The following IRF6 variants were observed in gnomAD, a reference collection of about 807,000 sequenced individuals.
IRF6 encodes the protein Van der Woude syndrome.
In IRF6, 6 loss-of-function variants were observed where a neutral mutation model predicts 51.4. The ratio of observed to expected loss-of-function variants is 0.12; its 90% CI spans 0.06 to 0.23. The LOEUF (loss-of-function observed/expected upper bound fraction) is 0.23, where lower values mean the gene tolerates loss of function less well. IRF6 is among the 10% of genes least tolerant of loss of function. IRF6 has a pLI of 1.00. For synonymous variants in IRF6, 178 were observed against 215.7 expected, an observed-to-expected ratio of 0.83 and a Z score of 1.53; for missense variants, 348 against 585.2, an observed-to-expected ratio of 0.59 and a Z score of 4.18.
chr1:209,788,408 T>A lies in IRF6; in HGVS notation c.*12A>T, dbSNP rs771087814. The A allele has an allele frequency of 5.3e-6, 8 of 1,507,756 alleles. No homozygotes were observed. Among genetic ancestry groups the A allele is most frequent in the Non-Finnish European group, 7.4e-6 (8 of 1,085,140 alleles). 93.4% of individuals were successfully genotyped at this position (1,507,756 alleles called of 1,614,324 possible). On this transcript the variant is annotated 3_prime_UTR_variant, in exon 9 of 9. Coordinates refer to ENST00000367021, the MANE Select transcript of IRF6 (RefSeq NM_006147.4). ...ATTATAAAAAAGAGAAGGAAGAAGA[T>A]GGCATTCACAATTACTGGGGAGGCA...
chr1:209,792,617 T>C, intron 5 of IRF6, 190 bp from the exon 6 acceptor site: 1 of 617,746 alleles, frequency 1.6e-6, no homozygotes, highest in Non-Finnish European at 2.8e-6. Flanking sequence ...TCCTGCTTCC[T>C]AGTCATATTA....
intron 5 of IRF6, among the ~76,000 whole-genome samples, chr1:209,793,741 C>T (rs2077883577): frequency 6.6e-6 from 1 of 152,136 alleles, no homozygotes; most frequent in Non-Finnish European, 1.5e-5. Flanking sequence ...CTCAAGGAGG[C>T]CCCAGTGTCT....
Position 209,790,564 on chromosome 1 carries a change from G to A in IRF6, c.991C>T (p.Leu331Phe). 6.2e-7 allele frequency: 1 copy of A among 1,614,250 alleles called. No individual in the cohort carries two copies. The highest frequency in any genetic ancestry group is 8.5e-7 in the Non-Finnish European group (1 of 1,180,042). ...VYWSGPCAPS[L>F]VAPNLIERQK... ...CTCTCAATCAGGTTGGGAGCAACAAGTGATGGGGCACATGGCCCAGACCAG... is the reference window on the plus strand; with the variant it reads ...CTCTCAATCAGGTTGGGAGCAACAAATGATGGGGCACATGGCCCAGACCAG... Residue 331 changes from leucine to phenylalanine, a missense_variant, in exon 7 of 9, where the codon CTT (leucine) becomes TTT (phenylalanine). Transcript: ENST00000367021. The surrounding 1 kb of genome is among the most constrained non-coding windows in gnomAD (Gnocchi z 4.8).
At chr1:209,797,510 AT>A (rs2077910658) in intron 3 of IRF6, among the ~76,000 whole-genome samples, 1 of 151,736 alleles carries the variant, frequency 6.6e-6, no homozygotes, top group Non-Finnish European at 1.5e-5. Context: ...ACCTTACCCT[AT>A]CCCCTCAAAC....
intron 3 of IRF6, among the ~76,000 whole-genome samples, chr1:209,800,812 C>G (rs2077936220): frequency 6.6e-6 from 1 of 152,146 alleles, no homozygotes; most frequent in Non-Finnish European, 1.5e-5. Context: ...ATACCAATCA[C>G]ATAGGCTATA....
chr1:209,788,231 A>G lies in IRF6; in HGVS notation c.*189T>C, dbSNP rs1651962858. The G allele has an allele frequency of 6.6e-6, 4 of 604,672 alleles. No homozygotes were observed. The highest frequency in any genetic ancestry group is 1.2e-5 in the Non-Finnish European group (4 of 343,524). 37.5% of individuals were successfully genotyped at this position (604,672 alleles called of 1,614,324 possible). ...ACTACCATTAGGAGATTTGAAAAAGAAAAGCAAAGTCTGAAGGGTGATTTT... is the reference window on the plus strand; with the variant it reads ...ACTACCATTAGGAGATTTGAAAAAGGAAAGCAAAGTCTGAAGGGTGATTTT... On this transcript the variant is annotated 3_prime_UTR_variant, in exon 9 of 9. Transcript: ENST00000367021.
chr1:209,804,755 A>G lies in IRF6; in HGVS notation c.-76+1192T>C, dbSNP rs932590960. Among the ~76,000 whole-genome samples, 7 of 152,192 alleles carry G rather than the reference A, an allele frequency of 4.6e-5. No homozygotes were observed. The East Asian group carries it at 1.3e-3, about 29-fold the overall frequency. ...CCCTATTCTAGGGAGCAGGTCCTCCATAAACACCCTCATTGCCACCTCCAT... is the reference window on the plus strand; with the variant it reads ...CCCTATTCTAGGGAGCAGGTCCTCCGTAAACACCCTCATTGCCACCTCCAT... On this transcript the variant is annotated intron_variant, in intron 1 of 8. Coordinates refer to ENST00000367021, the MANE Select transcript of IRF6 (RefSeq NM_006147.4).
Position 209,796,361 on chromosome 1 carries a change from C to G in IRF6, c.366G>C (p.Ser122=), listed in dbSNP as rs146068713. 25 of 1,613,830 alleles carry G rather than the reference C, an allele frequency of 1.5e-5. No homozygotes were observed. The highest frequency in any genetic ancestry group is 1.8e-5 in the Non-Finnish European group (21 of 1,180,020). ...QVCDIPQPQG[S]IINPGSTGSA... Reference sequence around the variant, plus strand: ...CTGGGGCCTCACCTGGGTTAATGATCGAGCCCTGGGGCTGAGGGATGTCAC... The same window carrying G: ...CTGGGGCCTCACCTGGGTTAATGATGGAGCCCTGGGGCTGAGGGATGTCAC... The change falls in exon 4 of 9, where the codon TCG becomes TCC. Residue 122 remains serine (S), a synonymous_variant. Transcript: ENST00000367021. This position sits in a 1 kb window ranked among gnomAD's most constrained non-coding sequence, Gnocchi z 4.5.
rs949128170 is a variant in IRF6 at position 209,796,609 on chromosome 1, G to A, written c.175-57C>T. On this transcript the variant is annotated intron_variant, in intron 3 of 8. Transcript: ENST00000367021. This position sits in a 1 kb window ranked among gnomAD's most constrained non-coding sequence, Gnocchi z 4.5. ...ATTGCCCAGAGCCACTGCAAAGCAT[G>A]TGCTTACCCTTTCTCATAGACACAA... is the stretch of plus-strand genomic sequence containing the variant. 4.0e-6 allele frequency: 5 copies of A among 1,253,854 alleles called. No homozygotes were observed. The highest frequency in any genetic ancestry group is 5.8e-6 in the Non-Finnish European group (5 of 859,404). The allele number at this position is 1,253,854 out of a possible 1,614,324, so 77.7% of individuals were successfully genotyped here.
intron 3 of IRF6, 49 bp downstream of exon 3, chr1:209,801,183 CAAAAAAAA>C (rs35878470): frequency 3.3e-5 from 34 of 1,046,034 alleles, no homozygotes; most frequent in African/African-American, 1.9e-4. Flanking sequence ...TTCCCCATGC[CAAAAAAAA>C]AAAAAAAAAA....
intron 8 of IRF6, among the ~76,000 whole-genome samples, chr1:209,789,431 A>T (rs1404110703): frequency 6.6e-6 from 1 of 151,904 alleles, no homozygotes; most frequent in African/African-American, 2.4e-5. Context: ...TTTCAGCAAG[A>T]CTCTAAGGTT....
At position 209,788,464 on chromosome 1, in the gene IRF6, G is replaced by A. The variant is rs763532645; in HGVS notation, c.1360C>T (p.Pro454Ser). The A allele has an allele frequency of 9.9e-6, 16 of 1,613,924 alleles. 1 individual carries two copies. In the South Asian group the frequency reaches 1.6e-4, roughly 17 times the overall value. The change falls in exon 9 of 9, where the codon CCC (proline) becomes TCC (serine). Residue 454 changes from proline (P) to serine (S), a missense_variant. By Grantham distance (74) the Pro-to-Ser change is moderately conservative. Transcript: ENST00000367021. ...GGGGGCAGTTGCATGCTGGGGGTGG[G>A]CTGCATGGGCTGCCAGCTCTCCTGG... Reference protein sequence around the residue: ...QTQESWQPMQPTPSMQLPPAL... With the variant: ...QTQESWQPMQSTPSMQLPPAL...
Position 209,796,335 on chromosome 1 carries a change from C to T in IRF6, c.379+13G>A. ...CATGCTGCCCACCTTCTCCCCAGCA[C>T]CTGGGGCCTCACCTGGGTTAATGAT... On this transcript the variant is annotated intron_variant, in intron 4 of 8. Transcript: ENST00000367021. The surrounding 1 kb of genome is among the most constrained non-coding windows in gnomAD (Gnocchi z 4.5). The T allele has an allele frequency of 6.2e-7, 1 of 1,612,190 alleles. No individual in the cohort carries two copies. Among genetic ancestry groups the T allele is most frequent in the Non-Finnish European group, 8.5e-7 (1 of 1,178,654 alleles).
At chr1:209,791,714 C>T (rs568622470) in intron 6 of IRF6, among the ~76,000 whole-genome samples, 15 of 152,294 alleles carry the variant, frequency 9.8e-5, no homozygotes, top group African/African-American at 3.4e-4. Context: ...CACCTAAGAC[C>T]TGAATAACCT....
intron 3 of IRF6, among the ~76,000 whole-genome samples, chr1:209,799,092 T>C (rs1256788872): frequency 2.0e-5 from 3 of 152,174 alleles, no homozygotes; most frequent in South Asian, 2.1e-4. Flanking sequence ...TGCATTTTTA[T>C]AGTGCTTTAC....
chr1:209,801,083 C>G (rs904340577), intron 3 of IRF6, among the ~76,000 whole-genome samples, 157 bp downstream of exon 3: 1 of 151,566 alleles, frequency 6.6e-6, no homozygotes, highest in Admixed American at 6.6e-5. Context: ...GCAGACATGC[C>G]CCCAAAAGAG....
chr1:209,799,040 T>C (rs186567667), intron 3 of IRF6, among the ~76,000 whole-genome samples: 249 of 152,294 alleles, frequency 1.6e-3, no homozygotes, highest in Middle Eastern at 6.8e-3. Flanking sequence ...TTCTGATCAC[T>C]GTGCAGGTCC....
At chr1:209,799,233 T>C (rs745612742) in intron 3 of IRF6, among the ~76,000 whole-genome samples, 2 of 152,118 alleles carry the variant, frequency 1.3e-5, no homozygotes, top group Non-Finnish European at 2.9e-5. Context: ...TTGACGGTAG[T>C]AGAATTTGAG....
At chr1:209,797,370 C>CAAAAA (rs11418099) in intron 3 of IRF6, among the ~76,000 whole-genome samples, 12 of 48,590 alleles carry the variant, frequency 2.5e-4, no homozygotes, top group African/African-American at 9.1e-4. Flanking sequence ...AACTTCATCT[C>CAAAAA]AAAAAAAAAA....
Sources: allele counts gnomAD v4.1 joint callset (sites outside exome capture counted in the v4.1 genomes callset), GRCh38; gene constraint gnomAD v4.1.1; non-coding constraint Gnocchi (gnomAD v3.1); transcripts MANE v1.5; gene names NCBI Gene and HGNC (gene_info 2026-07-23, HGNC 2026-07-21).